The following PLEKHA7 variants were observed in gnomAD, a reference collection of about 807,000 sequenced individuals.
The protein encoded by PLEKHA7 is pleckstrin homology domain containing A7.
Under a neutral mutation model 170.0 loss-of-function variants are expected in PLEKHA7, and 104 were observed. The observed-to-expected ratio is 0.61, with a 90% CI of 0.52 to 0.72. PLEKHA7 has a LOEUF of 0.72. Ranked by LOEUF, PLEKHA7 falls within the 30% of genes least tolerant of loss-of-function variation. The pLI is 0.00. For synonymous variants in PLEKHA7, 648 were observed against 660.8 expected, an observed-to-expected ratio of 0.98 and a Z score of 0.30; for missense variants, 1,615 against 1,671.7, an observed-to-expected ratio of 0.97 and a Z score of 0.59.
chr11:16,821,539 G>A (rs1850213897), intron 10 of PLEKHA7, among the ~76,000 whole-genome samples: 1 of 152,312 alleles, frequency 6.6e-6, no homozygotes, highest in Non-Finnish European at 1.5e-5. Context: ...TCATATTGCA[G>A]TTCAAATAAC....
chr11:16,906,280 A>G (rs1217149998), intron 3 of PLEKHA7, among the ~76,000 whole-genome samples: 4 of 116,666 alleles, frequency 3.4e-5, no homozygotes, highest in Non-Finnish European at 5.4e-5. Flanking sequence ...GGAAGGAAGG[A>G]AAGAAAGAAA....
At chr11:16,825,748 G>A (rs543631401) in intron 10 of PLEKHA7, among the ~76,000 whole-genome samples, 9 of 152,332 alleles carry the variant, frequency 5.9e-5, no homozygotes, top group Admixed American at 3.3e-4. Flanking sequence ...TTTGGATGTA[G>A]AGAAGTAGCA....
At chr11:17,009,728 T>C (rs1865211965) in intron 3 of PLEKHA7, among the ~76,000 whole-genome samples, 1 of 152,058 alleles carries the variant, frequency 6.6e-6, no homozygotes, top group African/African-American at 2.4e-5. Flanking sequence ...CTCAGACTCC[T>C]GGGCTCAAGC....
Position 16,794,604 on chromosome 11 carries a change from G to C in PLEKHA7, c.2629C>G (p.Leu877Val). 1 of 1,613,704 alleles carries C rather than the reference G, an allele frequency of 6.2e-7. No homozygotes were observed. The change falls in exon 19 of 27, where the codon CTG (leucine) becomes GTG (valine). Residue 877 changes from leucine to valine, a missense_variant. Coordinates refer to ENST00000531066, the MANE Select transcript of PLEKHA7 (RefSeq NM_001329630.2). ...SPPTSPVRTP[L>V]EVRLFPQLQT... ...AGCTGGGGGAAGAGTCGAACCTCCA[G>C]AGGGGTCCGCACAGGGCTGGTGGGA...
intron 8 of PLEKHA7, among the ~76,000 whole-genome samples, chr11:16,850,747 A>T (rs1310784633): frequency 1.3e-5 from 2 of 152,252 alleles, no homozygotes. Context: ...GCTTTTCAAC[A>T]AGATAAACAA....
intron 5 of PLEKHA7, 97 bp from the exon 6 acceptor site, chr11:16,855,090 C>G: frequency 1.1e-6 from 1 of 934,972 alleles, no homozygotes; most frequent in South Asian, 1.4e-5. Context: ...CTCTGCCTCA[C>G]TCTAAATGGC....
chr11:16,806,644 G>A (rs1417271909), intron 13 of PLEKHA7, among the ~76,000 whole-genome samples: 1 of 152,218 alleles, frequency 6.6e-6, no homozygotes, highest in Non-Finnish European at 1.5e-5. Context: ...ATCAATCAAA[G>A]AGGGTATGGG....
intron 3 of PLEKHA7, among the ~76,000 whole-genome samples, chr11:16,966,076 G>C (rs182122650): frequency 6.6e-6 from 1 of 152,124 alleles, no homozygotes; most frequent in Non-Finnish European, 1.5e-5. Flanking sequence ...CCAGTTACTC[G>C]GGAGGCTGAG....
In PLEKHA7 at chr11:16,791,138, G is replaced by A. The variant is rs1201549110; in HGVS notation, c.2807C>T (p.Pro936Leu). 16 of 1,613,812 alleles carry A rather than the reference G, an allele frequency of 9.9e-6. No homozygotes were observed. Among genetic ancestry groups the A allele is most frequent in the South Asian group, 3.3e-5 (3 of 91,034 alleles). The change falls in exon 20 of 27, where the codon CCG becomes CTG. Residue 936 changes from proline to leucine, a missense_variant. Pro to Leu is a moderately conservative substitution (Grantham distance 98). Coordinates refer to ENST00000531066, the MANE Select transcript of PLEKHA7 (RefSeq NM_001329630.2). The surrounding 1 kb of genome is among the most constrained non-coding windows in gnomAD (Gnocchi z 4.5). ...CTCTCTTGGCAGAGGCGGCACAGCC[G>A]GGGGCTGGTCCTCTGGGCTGTAGAG... ...PELYSPEDQP[P>L]AVPPLPREAT...
intron 3 of PLEKHA7, among the ~76,000 whole-genome samples, chr11:16,900,850 ATTTTT>A (rs1203436793): frequency 6.9e-6 from 1 of 143,996 alleles, no homozygotes; most frequent in South Asian, 2.2e-4. Flanking sequence ...ATGATTTTTT[ATTTTT>A]TTTTTTTTTT....
chr11:16,906,224 TAGGAAGGAAGGAAGGAAGGAAGGAAGGA>T (rs199992587), intron 3 of PLEKHA7, among the ~76,000 whole-genome samples: 28 of 116,220 alleles, frequency 2.4e-4, no homozygotes, highest in South Asian at 6.5e-4. Context: ...TAAAATGAGG[TAGGAAGGAAGGAAGGAAGGAAGGAAGGA>T]AGGAAGGAAG....
At chr11:16,868,959 G>A (rs1474685399) in intron 4 of PLEKHA7, among the ~76,000 whole-genome samples, 1 of 152,160 alleles carries the variant, frequency 6.6e-6, no homozygotes, top group Non-Finnish European at 1.5e-5. Context: ...TCTTATGGAA[G>A]TTGGTAACTT....
At chr11:16,989,814 A>G (rs1863929105) in intron 3 of PLEKHA7, among the ~76,000 whole-genome samples, 1 of 152,170 alleles carries the variant, frequency 6.6e-6, no homozygotes, top group Non-Finnish European at 1.5e-5. Flanking sequence ...CAATGCCCAC[A>G]TAAGCTTTGT....
chr11:16,885,477 A>G (rs1387047563), intron 3 of PLEKHA7, among the ~76,000 whole-genome samples: 2 of 147,348 alleles, frequency 1.4e-5, no homozygotes, highest in Non-Finnish European at 3.0e-5. Flanking sequence ...TGGCCAAAAC[A>G]GTGAAACCTC....
At position 16,899,278 on chromosome 11, in the gene PLEKHA7, C is replaced by T. The variant is rs1857179826; in HGVS notation, c.222-28096G>A. 2.0e-5 allele frequency among the ~76,000 whole-genome samples: 3 copies of T among 152,176 alleles called. No individual in the cohort carries two copies. The South Asian group carries it at 6.2e-4, about 31-fold the overall frequency. ...TTGGGAGGCTGAGGCAGGCGGATCA[C>T]CTGAGGTCGGGAGTTTGAGACCAGC... On this transcript the variant is annotated intron_variant, in intron 3 of 26. Transcript: ENST00000531066.
chr11:16,822,093 C>T (rs1850265863), intron 10 of PLEKHA7, among the ~76,000 whole-genome samples: 2 of 152,098 alleles, frequency 1.3e-5, no homozygotes, highest in Non-Finnish European at 2.9e-5. Flanking sequence ...TGGTGCACAC[C>T]CCACTCCCAA....
chr11:16,792,702 G>T (rs1434790073), intron 19 of PLEKHA7, among the ~76,000 whole-genome samples: 1 of 152,148 alleles, frequency 6.6e-6, no homozygotes, highest in African/African-American at 2.4e-5. Context: ...TCTCTTTATT[G>T]TTATTTGTTA....
intron 10 of PLEKHA7, among the ~76,000 whole-genome samples, chr11:16,825,845 C>G (rs527634762): frequency 2.0e-5 from 3 of 152,222 alleles, no homozygotes; most frequent in African/African-American, 7.2e-5. Context: ...CTGGTGTAAT[C>G]GCATGGAGGC....
At chr11:16,859,824 C>G (rs1853790276) in intron 4 of PLEKHA7, among the ~76,000 whole-genome samples, 1 of 152,272 alleles carries the variant, frequency 6.6e-6, no homozygotes. Context: ...AGCATGCCCT[C>G]AGGCACACTG....
Sources: allele counts gnomAD v4.1 joint callset (sites outside exome capture counted in the v4.1 genomes callset), GRCh38; gene constraint gnomAD v4.1.1; non-coding constraint Gnocchi (gnomAD v3.1); transcripts MANE v1.5; gene names NCBI Gene and HGNC (gene_info 2026-07-23, HGNC 2026-07-21).